Variants in ARHGEF4 observed in about 807,000 individuals in gnomAD.
ARHGEF4 encodes APC-stimulated guanine nucleotide exchange factor 1.
In ARHGEF4, 119 loss-of-function variants were observed where a neutral mutation model predicts 162.0. The ratio of observed to expected loss-of-function variants is 0.73; its 90% CI spans 0.63 to 0.86. The LOEUF (loss-of-function observed/expected upper bound fraction) is 0.86, where lower values mean the gene tolerates loss of function less well. Among genes scored for constraint, ARHGEF4 ranks in the 40% least tolerant of loss-of-function variants. The pLI is 0.00. For synonymous variants in ARHGEF4, 1,014 were observed against 979.9 expected, an observed-to-expected ratio of 1.03 and a Z score of -0.65; for missense variants, 2,488 against 2,456.0, an observed-to-expected ratio of 1.01 and a Z score of -0.28.
rs1351441922 is a variant in ARHGEF4 at position 130,972,973 on chromosome 2, C to T, written c.3985+26338C>T. 1.3e-5 allele frequency among the ~76,000 whole-genome samples: 2 copies of T among 152,100 alleles called. 1 individual carries two copies. Among genetic ancestry groups the T allele is most frequent in the East Asian group, 3.8e-4 (2 of 5,202 alleles). On this transcript the variant is annotated intron_variant, in intron 4 of 13. Coordinates refer to ENST00000409359, the MANE Select transcript of ARHGEF4 (RefSeq NM_001367493.1). ...ATCTTCAGATACAACATATTATAAT[C>T]CTGACAAAATTATATCATGAAAATA...
chr2:130,876,912 G>A (rs948587291), intron 1 of ARHGEF4, among the ~76,000 whole-genome samples: 2 of 152,256 alleles, frequency 1.3e-5, no homozygotes, highest in South Asian at 4.1e-4. Flanking sequence ...CTTATTTGTC[G>A]TTTTTAGATA....
At chr2:130,893,433 C>G (rs1679975359) in intron 1 of ARHGEF4, among the ~76,000 whole-genome samples, 1 of 152,212 alleles carries the variant, frequency 6.6e-6, no homozygotes, top group Non-Finnish European at 1.5e-5. Flanking sequence ...TTGAATGAAT[C>G]TTTGAATTAT....
chr2:130,978,139 A>G (rs1025252844), intron 4 of ARHGEF4, among the ~76,000 whole-genome samples: 2 of 152,182 alleles, frequency 1.3e-5, no homozygotes, highest in Non-Finnish European at 2.9e-5. Context: ...ATCCATTTCT[A>G]TGTTTATCCA....
intron 2 of ARHGEF4, among the ~76,000 whole-genome samples, chr2:130,924,214 C>G (rs1028137087): frequency 6.6e-6 from 1 of 151,980 alleles, no homozygotes; most frequent in Non-Finnish European, 1.5e-5. Flanking sequence ...TTTTCCTCAC[C>G]TGTGGATTGC....
intron 4 of ARHGEF4, among the ~76,000 whole-genome samples, chr2:130,979,734 T>TTAAA (rs1553435013): frequency 1.1e-5 from 1 of 92,720 alleles, no homozygotes; most frequent in Non-Finnish European, 2.0e-5. Flanking sequence ...AGACTCCATC[T>TTAAA]AAAAAAAAAA....
chr2:131,046,520 G>A lies in ARHGEF4; in HGVS notation c.*331G>A. 2 of 269,932 alleles carry A rather than the reference G, an allele frequency of 7.4e-6. No individual in the cohort carries two copies. Among genetic ancestry groups the A allele is most frequent in the Admixed American group, 1.0e-4 (2 of 19,564 alleles). 16.7% of individuals were successfully genotyped at this position (269,932 alleles called of 1,614,324 possible). The stretch of plus-strand genomic sequence containing the variant: ...CAGCCCAGGCCCAGCTGGGGAGAAG[G>A]CGCTACCTGCGTGGGACCCTCTTCT... On this transcript the variant is annotated 3_prime_UTR_variant, in exon 14 of 14. Coordinates refer to ENST00000409359, the MANE Select transcript of ARHGEF4 (RefSeq NM_001367493.1).
intron 1 of ARHGEF4, among the ~76,000 whole-genome samples, chr2:130,904,074 A>C (rs961051247): frequency 6.6e-6 from 1 of 152,172 alleles, no homozygotes; most frequent in African/African-American, 2.4e-5. Context: ...TTCTATTTTT[A>C]GTTGTTTGAG....
chr2:130,914,795 G>T lies in ARHGEF4; in HGVS notation c.849G>T (p.Leu283Phe), dbSNP rs1392802495. The change falls in exon 2 of 14, where the codon TTG (leucine) becomes TTT (phenylalanine). Residue 283 changes from leucine (L) to phenylalanine (F), a missense_variant. Physicochemically the swap from Leu to Phe is conservative, Grantham distance 22. Transcript: ENST00000409359. The part of the protein sequence containing the change: ...STLGPAGDTE[L>F]LWSQPHSDVP... ...TAGGCCCTGCAGGGGACACAGAATT[G>T]CTCTGGTCCCAGCCCCACTCGGATG... is the stretch of plus-strand genomic sequence containing the variant. 6.9e-6 allele frequency: 10 copies of T among 1,443,740 alleles called. No individual in the cohort carries two copies. The highest frequency in any genetic ancestry group is 9.1e-6 in the Non-Finnish European group (10 of 1,103,196). 89.4% of individuals were successfully genotyped at this position (1,443,740 alleles called of 1,614,324 possible).
In ARHGEF4 at chr2:130,917,517, C is replaced by A; in HGVS notation, c.3552+19C>A. On this transcript the variant is annotated intron_variant, in intron 2 of 13. Transcript: ENST00000409359. ...GAGTGAGGTGAGTATCTGAATCGCA[C>A]CAAGCCTTTCCTGACCTCTGCAGGC... 1 of 1,536,140 alleles carries A rather than the reference C, an allele frequency of 6.5e-7. No individual in the cohort carries two copies. Among genetic ancestry groups the A allele is most frequent in the South Asian group, 1.2e-5 (1 of 81,658 alleles).
rs1013778202 is a variant in ARHGEF4 at position 130,837,535 on chromosome 2, G to C, written c.39+543G>C. On this transcript the variant is annotated intron_variant, in intron 1 of 13. Coordinates refer to ENST00000409359, the MANE Select transcript of ARHGEF4 (RefSeq NM_001367493.1). Reference sequence around the variant, plus strand: ...GGTCGGGGCTGTTGGGCTCCTGCTCGGGGTGCCCCCTCTCTGGCCCGATTT... The same window carrying C: ...GGTCGGGGCTGTTGGGCTCCTGCTCCGGGTGCCCCCTCTCTGGCCCGATTT... The C allele has an allele frequency of 2.4e-5, 10 of 423,486 alleles. No homozygotes were observed. The Admixed American group carries it at 2.6e-4, about 11-fold the overall frequency. The allele number at this position is 423,486 out of a possible 1,614,324, so 26.2% of individuals were successfully genotyped here. A position where few individuals can be genotyped will look rare whatever the true frequency, so the allele number is the denominator to read the frequency against.
intron 5 of ARHGEF4, among the ~76,000 whole-genome samples, chr2:131,028,296 C>T (rs1451332994): frequency 1.3e-5 from 2 of 152,240 alleles, no homozygotes; most frequent in East Asian, 1.9e-4. Flanking sequence ...CTGTGCCCTC[C>T]TGAGGCCCAC....
In ARHGEF4 at chr2:130,974,632, T is replaced by G. The variant is rs1290766867; in HGVS notation, c.3985+27997T>G. ...CACCCAGCTATTTTTTTTTTTTTTT[T>G]TGTATTTTTTGTAGAGACAGGGTTT... is the stretch of plus-strand genomic sequence containing the variant. On this transcript the variant is annotated intron_variant, in intron 4 of 13. Transcript: ENST00000409359. Among the ~76,000 whole-genome samples, 8 of 120,762 alleles carry G rather than the reference T, an allele frequency of 6.6e-5. No homozygotes were observed. In the East Asian group the frequency reaches 1.2e-3, roughly 18 times the overall value. 79.2% of individuals were successfully genotyped at this position (120,762 alleles called of 152,430 possible).
At chr2:131,045,663 TC>T in intron 13 of ARHGEF4, 3 of 1,498,470 alleles carry the variant, frequency 2.0e-6, no homozygotes, top group Non-Finnish European at 1.8e-6. Context: ...ACACCTTGGC[TC>T]CCCCAGATCA....
At chr2:131,010,664 G>T (rs1289612311) in intron 4 of ARHGEF4, among the ~76,000 whole-genome samples, 2 of 152,180 alleles carry the variant, frequency 1.3e-5, no homozygotes, top group African/African-American at 2.4e-5. Flanking sequence ...CCTCAAAACT[G>T]GTTAACTTAG....
chr2:130,843,520 C>T (rs75576340), intron 1 of ARHGEF4, among the ~76,000 whole-genome samples: 4 of 152,146 alleles, frequency 2.6e-5, no homozygotes, highest in African/African-American at 7.2e-5. Context: ...GCCTTGGCTG[C>T]GTTGCTGCTC....
chr2:130,991,107 A>G (rs1686923607), intron 4 of ARHGEF4, among the ~76,000 whole-genome samples: 1 of 152,268 alleles, frequency 6.6e-6, no homozygotes, highest in Non-Finnish European at 1.5e-5. Context: ...AAAATGAAGG[A>G]GAGATGTGAA....
intron 1 of ARHGEF4, among the ~76,000 whole-genome samples, chr2:130,885,221 C>G (rs979149619): frequency 6.6e-6 from 1 of 152,034 alleles, no homozygotes; most frequent in Admixed American, 6.5e-5. Context: ...TGCATTACAG[C>G]CTGCTCTGAG....
intron 10 of ARHGEF4, 64 bp from the exon 11 acceptor site, chr2:131,043,385 TGGG>T: frequency 6.3e-7 from 1 of 1,597,716 alleles, no homozygotes; most frequent in Non-Finnish European, 8.6e-7. Context: ...CCACCCATGA[TGGG>T]GGCAGGAAGT....
intron 3 of ARHGEF4, among the ~76,000 whole-genome samples, chr2:130,937,930 G>A (rs561795588): frequency 2.6e-5 from 4 of 152,126 alleles, no homozygotes; most frequent in Non-Finnish European, 4.4e-5. Context: ...GCCTCCCAAA[G>A]TGCTGGGATT....
Sources: gnomAD v4.1 joint callset for allele counts (sites outside exome capture counted in the v4.1 genomes callset) on GRCh38, gnomAD v4.1.1 for gene constraint, MANE v1.5 for transcripts, NCBI Gene and HGNC (gene_info 2026-07-23, HGNC 2026-07-21) for gene names.